Variants in MLLT10 observed in about 807,000 individuals in gnomAD.
The protein encoded by MLLT10 is MLLT10 histone lysine methyltransferase DOT1L cofactor, also known as protein AF-10.
MLLT10 carries 30 observed loss-of-function variants against 129.1 expected under a neutral mutation model. The ratio of observed to expected loss-of-function variants is 0.23; its 90% CI spans 0.17 to 0.32. MLLT10 has a LOEUF of 0.32. MLLT10 is among the 10% of genes least tolerant of loss of function. The probability of loss-of-function intolerance (pLI) is 1.00; values close to 1 mark genes in which losing one functional copy is unlikely to be tolerated. For synonymous variants in MLLT10, 490 were observed against 446.4 expected, an observed-to-expected ratio of 1.10 and a Z score of -1.23; for missense variants, 1,119 against 1,268.3, an observed-to-expected ratio of 0.88 and a Z score of 1.79.
intron 13 of MLLT10, among the ~76,000 whole-genome samples, chr10:21,690,764 A>G (rs982613120): frequency 2.0e-5 from 3 of 151,830 alleles, no homozygotes; most frequent in East Asian, 1.9e-4. Context: ...CATTTTTTCT[A>G]ATTTACTAAT....
intron 4 of MLLT10, among the ~76,000 whole-genome samples, chr10:21,593,926 T>TAAAAAAAAAA (rs61561146): frequency 6.6e-5 from 3 of 45,408 alleles, no homozygotes; most frequent in African/African-American, 3.2e-4. Flanking sequence ...GCTTTGTCTT[T>TAAAAAAAAAA]AAAAAAAAAA....
Position 21,733,510 on chromosome 10 carries a change from C to T in MLLT10, c.2414C>T (p.Thr805Ile). Residue 805 changes from threonine to isoleucine, a missense_variant, in exon 19 of 23, where the codon ACT becomes ATT. This residue lies in a region of MLLT10 where 1,004 missense variants were observed against 1,008.7 expected (regional missense o/e 1.00). Coordinates refer to ENST00000307729, the MANE Select transcript of MLLT10 (RefSeq NM_001195626.3). ...TTGTCTTTTATTATTCTAGCTCCTA[C>T]TACTGATTCCTTGAACAGCAGTAAG... is the stretch of plus-strand genomic sequence containing the variant. ...IHTFSAQTAP[T>I]TDSLNSSKSP... is the part of the protein sequence containing the mutation. The T allele has an allele frequency of 6.5e-7, 1 of 1,541,382 alleles. No individual in the cohort carries two copies. The highest frequency in any genetic ancestry group is 8.7e-7 in the Non-Finnish European group (1 of 1,149,094).
chr10:21,738,534 C>T (rs1275385012), intron 21 of MLLT10: 1 of 1,285,408 alleles, frequency 7.8e-7, no homozygotes, highest in Admixed American at 2.3e-5. Flanking sequence ...AAAGTTTGTT[C>T]ATTTACAGGG....
chr10:21,621,421 A>ATTTTTTTTGTT (rs1375561334), intron 8 of MLLT10, among the ~76,000 whole-genome samples: 1 of 127,332 alleles, frequency 7.9e-6, no homozygotes, highest in Non-Finnish European at 1.7e-5. Flanking sequence ...ATTTTTTTGT[A>ATTTTTTTTGTT]TTTTTAGTAG....
At chr10:21,653,468 T>C (rs568590250) in intron 9 of MLLT10, among the ~76,000 whole-genome samples, 1 of 152,354 alleles carries the variant, frequency 6.6e-6, no homozygotes, top group South Asian at 2.1e-4. Flanking sequence ...AATGGCATGT[T>C]GAATTCCTCT....
chr10:21,653,677 T>C (rs1299100118), intron 9 of MLLT10, among the ~76,000 whole-genome samples: 1 of 152,184 alleles, frequency 6.6e-6, no homozygotes, highest in African/African-American at 2.4e-5. Flanking sequence ...GATTAGAATG[T>C]GGACATCTTG....
chr10:21,598,286 T>C (rs899013221), intron 5 of MLLT10, among the ~76,000 whole-genome samples: 2 of 152,242 alleles, frequency 1.3e-5, no homozygotes, highest in African/African-American at 4.8e-5. Flanking sequence ...TGGTGGGACC[T>C]CTTTAAGCTG....
chr10:21,679,786 G>A (rs2052554055), intron 11 of MLLT10, among the ~76,000 whole-genome samples: 1 of 152,090 alleles, frequency 6.6e-6, no homozygotes, highest in African/African-American at 2.4e-5. Context: ...TACTTACCAG[G>A]TGAGCATCAC....
chr10:21,564,773 G>A (rs1276203570), intron 3 of MLLT10, among the ~76,000 whole-genome samples: 4 of 149,866 alleles, frequency 2.7e-5, no homozygotes, highest in Non-Finnish European at 5.9e-5. Flanking sequence ...GCAGTGAGCC[G>A]CGATCGCACC....
At chr10:21,725,356 A>G (rs887982750) in intron 14 of MLLT10, among the ~76,000 whole-genome samples, 1 of 152,208 alleles carries the variant, frequency 6.6e-6, no homozygotes, top group Non-Finnish European at 1.5e-5. Flanking sequence ...GTTTGGTATC[A>G]GCTAGATATG....
intron 6 of MLLT10, 129 bp from the exon 7 acceptor site, chr10:21,614,702 T>A (rs2045053071): frequency 1.5e-6 from 1 of 660,132 alleles, no homozygotes; most frequent in South Asian, 2.7e-5. Context: ...GCTTTTTATT[T>A]TCTCATTTTT....
intron 2 of MLLT10, among the ~76,000 whole-genome samples, chr10:21,535,127 C>G (rs112938132): frequency 3.3e-3 from 246 of 74,118 alleles, no homozygotes; most frequent in Middle Eastern, 5.5e-3. Context: ...GGGGTGGGGG[C>G]GGGGGCGGGG....
chr10:21,560,222 C>T (rs956163490), intron 3 of MLLT10, among the ~76,000 whole-genome samples: 5 of 152,114 alleles, frequency 3.3e-5, no homozygotes, highest in African/African-American at 9.7e-5. Context: ...TCAGGCTGGT[C>T]TCGAACTCTC....
At chr10:21,546,948 C>T (rs2036181475) in intron 3 of MLLT10, among the ~76,000 whole-genome samples, 1 of 152,164 alleles carries the variant, frequency 6.6e-6, no homozygotes, top group African/African-American at 2.4e-5. Flanking sequence ...GTCTCGAACT[C>T]CCGACCTCAG....
At chr10:21,579,718 A>G (rs1461991192) in intron 3 of MLLT10, among the ~76,000 whole-genome samples, 3 of 151,534 alleles carry the variant, frequency 2.0e-5, no homozygotes. Flanking sequence ...GTGTGCCACC[A>G]CACCTGGCTA....
At position 21,555,233 on chromosome 10, in the gene MLLT10, T is replaced by A. The variant is rs539845411; in HGVS notation, c.240+16321T>A. 2.2e-3 allele frequency among the ~76,000 whole-genome samples: 337 copies of A among 152,318 alleles called. 3 individuals carry two copies. Among genetic ancestry groups the A allele is most frequent in the African/African-American group, 7.5e-3 (310 of 41,572 alleles). On this transcript the variant is annotated intron_variant, in intron 3 of 22. Transcript: ENST00000307729. ...TTTTAATTTAAATTTAATTTAATTT[T>A]ATTTTTTTGAGACAGAGTCTTGCCT...
chr10:21,534,333 C>T lies in MLLT10; in HGVS notation c.-188C>T. 3.3e-6 allele frequency: 1 copy of T among 298,748 alleles called. No individual in the cohort carries two copies. The highest frequency in any genetic ancestry group is 6.4e-6 in the Non-Finnish European group (1 of 156,656). 18.5% of individuals were successfully genotyped at this position (298,748 alleles called of 1,614,324 possible). On this transcript the variant is annotated 5_prime_UTR_variant, in exon 1 of 23. Transcript: ENST00000307729. ...CCCCCCTCCCCCCAGTGCGCCTGTGCGGAGGCCCTCTTGATTATGTGTGCC... is the reference window on the plus strand; with the variant it reads ...CCCCCCTCCCCCCAGTGCGCCTGTGTGGAGGCCCTCTTGATTATGTGTGCC...
chr10:21,624,772 C>G (rs1371369800), intron 8 of MLLT10: 17 of 1,109,820 alleles, frequency 1.5e-5, no homozygotes, highest in Non-Finnish European at 2.7e-6. Flanking sequence ...CATCTGCCTT[C>G]TCTTGCGTCC....
chr10:21,733,435 G>C, intron 18 of MLLT10, 69 bp from the exon 19 acceptor site: 1 of 990,540 alleles, frequency 1.0e-6, no homozygotes, highest in South Asian at 2.2e-5. Flanking sequence ...TTTTTAATAA[G>C]CCTTTAATCT....
Sources: allele counts gnomAD v4.1 joint callset (sites outside exome capture counted in the v4.1 genomes callset), GRCh38; gene constraint gnomAD v4.1.1; regional missense constraint gnomAD v4.1.1; transcripts MANE v1.5; gene names NCBI Gene and HGNC (gene_info 2026-07-23, HGNC 2026-07-21).